Variants in VPS13B observed in about 807,000 individuals in gnomAD.
VPS13B encodes the protein vacuolar protein sorting 13 homolog B, also known as intermembrane lipid transfer protein VPS13B.
VPS13B carries 285 observed loss-of-function variants against 426.4 expected under a neutral mutation model. That is an observed-to-expected ratio of 0.67 (90% confidence interval 0.61 to 0.74). The LOEUF is 0.74. Ranked by LOEUF, VPS13B falls within the 30% of genes least tolerant of loss-of-function variation. VPS13B has a pLI of 0.00. For missense variants in VPS13B, 4,537 were observed against 4,782.6 expected (o/e 0.95, Z 1.51); for synonymous variants, 1,676 against 1,676.4 (o/e 1.00, Z 0.01).
intron 24 of VPS13B, among the ~76,000 whole-genome samples, chr8:99,468,648 A>G (rs570344558): frequency 3.3e-4 from 50 of 152,194 alleles, no homozygotes; most frequent in African/African-American, 1.2e-3. Context: ...CAGAAGTTAG[A>G]GGCTGTAGTG....
At chr8:99,835,385 G>T in intron 53 of VPS13B, 61 bp downstream of exon 53, 1 of 1,560,470 alleles carries the variant, frequency 6.4e-7, no homozygotes, top group South Asian at 1.1e-5. Context: ...GGGATTTTTT[G>T]ATTTAGTAGT....
At position 99,697,554 on chromosome 8, in the gene VPS13B, A is replaced by G. The variant is rs138161552; in HGVS notation, c.6047-1971A>G. 64 of 702,674 alleles carry G rather than the reference A, an allele frequency of 9.1e-5. No individual in the cohort carries two copies. The African/African-American group carries it at 9.2e-4, about 10-fold the overall frequency. The allele number at this position is 702,674 out of a possible 1,614,324, so 43.5% of individuals were successfully genotyped here. A position where few individuals can be genotyped will look rare whatever the true frequency, so the allele number is the denominator to read the frequency against. ...CTGCTGAAGGAGGACGTGCAGGACT[A>G]CAGCGAGAACATGCAAGAGATCAAG... On this transcript the variant is annotated intron_variant, in intron 35 of 61. Coordinates refer to ENST00000357162, the MANE Select transcript of VPS13B (RefSeq NM_152564.5).
At chr8:99,323,043 C>T (rs968420927) in intron 19 of VPS13B, among the ~76,000 whole-genome samples, 2 of 152,164 alleles carry the variant, frequency 1.3e-5, no homozygotes, top group African/African-American at 4.8e-5. Flanking sequence ...ATACTAGGAA[C>T]GACCGACTGA....
At chr8:99,231,852 GAAAT>G (rs1816338768) in intron 17 of VPS13B, among the ~76,000 whole-genome samples, 1 of 152,120 alleles carries the variant, frequency 6.6e-6, no homozygotes, top group South Asian at 2.1e-4. Context: ...AAAAAAGAAA[GAAAT>G]AATTTTGCTG....
At chr8:99,113,317 A>T (rs1263755554) in intron 6 of VPS13B, among the ~76,000 whole-genome samples, 2 of 152,102 alleles carry the variant, frequency 1.3e-5, no homozygotes, top group African/African-American at 4.8e-5. Flanking sequence ...GCCCAGGCTG[A>T]TACTGAACCT....
chr8:99,658,065 T>A (rs1320019625), intron 34 of VPS13B, among the ~76,000 whole-genome samples: 1 of 152,212 alleles, frequency 6.6e-6, no homozygotes, highest in Non-Finnish European at 1.5e-5. Context: ...TTTTCCTATT[T>A]TTCATAAAGC....
Position 99,845,514 on chromosome 8 carries a change from G to T in VPS13B, c.9943-3262G>T, listed in dbSNP as rs1370559613. On this transcript the variant is annotated intron_variant, in intron 54 of 61. Coordinates refer to ENST00000357162, the MANE Select transcript of VPS13B (RefSeq NM_152564.5). The stretch of plus-strand genomic sequence containing the variant: ...ATGGGTGCAGCTGGGAAGTCTGGGT[G>T]TCTCTCTCACCATTCTGTCTGTCCT... Among the ~76,000 whole-genome samples the T allele has an allele frequency of 2.6e-5, 4 of 152,246 alleles. No homozygotes were observed. The South Asian group carries it at 6.2e-4, about 24-fold the overall frequency.
At chr8:99,083,326 G>A (rs1845589471) in intron 3 of VPS13B, among the ~76,000 whole-genome samples, 1 of 152,204 alleles carries the variant, frequency 6.6e-6, no homozygotes, top group South Asian at 2.1e-4. Context: ...AGACTTTGCT[G>A]AAGTTGCCTA....
intron 40 of VPS13B, among the ~76,000 whole-genome samples, chr8:99,774,687 A>T (rs557577823): frequency 3.5e-4 from 54 of 152,336 alleles, no homozygotes; most frequent in African/African-American, 1.3e-3. Flanking sequence ...CATGAGTAGT[A>T]TAAGGGAAAG....
chr8:99,365,642 G>T (rs534707135), intron 19 of VPS13B, among the ~76,000 whole-genome samples: 2 of 148,528 alleles, frequency 1.3e-5, no homozygotes, highest in Admixed American at 6.8e-5. Context: ...TCAGCCTCCC[G>T]AGTAGCTGGG....
At chr8:99,291,000 C>CT (rs968923024) in intron 19 of VPS13B, among the ~76,000 whole-genome samples, 2 of 151,988 alleles carry the variant, frequency 1.3e-5, no homozygotes, top group African/African-American at 4.8e-5. Context: ...AGTTAAAAGG[C>CT]TTTTTTTATA....
At chr8:99,642,897 G>A (rs1456676287) in intron 34 of VPS13B, among the ~76,000 whole-genome samples, 1 of 152,002 alleles carries the variant, frequency 6.6e-6, no homozygotes, top group East Asian at 1.9e-4. Flanking sequence ...GTTTGTTTTT[G>A]GTATTCTTTT....
chr8:99,195,036 G>A (rs1271374023), intron 17 of VPS13B, among the ~76,000 whole-genome samples: 1 of 151,924 alleles, frequency 6.6e-6, no homozygotes, highest in African/African-American at 2.4e-5. Context: ...TAGTAGAGAC[G>A]GAGTTTCACC....
intron 3 of VPS13B, among the ~76,000 whole-genome samples, chr8:99,093,515 G>T (rs1435132103): frequency 6.7e-6 from 1 of 149,858 alleles, no homozygotes; most frequent in South Asian, 2.2e-4. Context: ...ATTTCCCAGT[G>T]CTATACCTCC....
intron 24 of VPS13B, among the ~76,000 whole-genome samples, chr8:99,468,377 T>C (rs926795461): frequency 2.0e-5 from 3 of 152,158 alleles, no homozygotes; most frequent in Admixed American, 6.6e-5. Context: ...CATATTAAAC[T>C]GTAAAATTAC....
rs551701971 is a variant in VPS13B at position 99,842,454 on chromosome 8, A to T, written c.9943-6322A>T. On this transcript the variant is annotated intron_variant, in intron 54 of 61. Transcript: ENST00000357162. Reference sequence around the variant, plus strand: ...AGAACCCCTGTCTCTACAGAAATTAAAAAAAAAAAAAATCACCAAGCGTGG... The same window carrying T: ...AGAACCCCTGTCTCTACAGAAATTATAAAAAAAAAAAATCACCAAGCGTGG... Among the ~76,000 whole-genome samples the T allele has an allele frequency of 4.5e-3, 621 of 136,662 alleles. 3 individuals are homozygous for T. Among genetic ancestry groups the T allele is most frequent in the Non-Finnish European group, 7.1e-3 (434 of 60,862 alleles). The allele number at this position is 136,662 out of a possible 152,430, so 89.7% of individuals were successfully genotyped here. A position where few individuals can be genotyped will look rare whatever the true frequency, so the allele number is the denominator to read the frequency against.
chr8:99,493,375 CTGTATATTTCCA>C (rs1466381928), intron 25 of VPS13B, among the ~76,000 whole-genome samples: 1 of 152,174 alleles, frequency 6.6e-6, no homozygotes, highest in East Asian at 1.9e-4. Context: ...CTCCTAATCA[CTGTATATTTCCA>C]TGTTAAAAAA....
intron 58 of VPS13B, 102 bp downstream of exon 58, chr8:99,862,048 GAAATGCT>G: frequency 7.3e-7 from 1 of 1,369,754 alleles, no homozygotes; most frequent in Non-Finnish European, 9.8e-7. Flanking sequence ...GAATGACCAG[GAAATGCT>G]CAGAGAAGGT....
chr8:99,657,469 A>AC (rs1563848051), intron 34 of VPS13B, among the ~76,000 whole-genome samples: 3 of 4,342 alleles, frequency 6.9e-4, no homozygotes, highest in Admixed American at 2.9e-3. Flanking sequence ...TACTTTAAAA[A>AC]TTGTGTGTGT....
Sources: allele counts gnomAD v4.1 joint callset (sites outside exome capture counted in the v4.1 genomes callset), GRCh38; gene constraint gnomAD v4.1.1; transcripts MANE v1.5; gene names NCBI Gene and HGNC (gene_info 2026-07-23, HGNC 2026-07-21).